CASS4: variants seen among roughly 807,000 people sequenced by gnomAD.
CASS4 encodes the protein Cas scaffold protein family member 4.
Under a neutral mutation model 54.2 loss-of-function variants are expected in CASS4, and 22 were observed. The observed-to-expected ratio is 0.41, with a 90% CI of 0.29 to 0.58. The LOEUF (loss-of-function observed/expected upper bound fraction) is 0.58, where lower values mean the gene tolerates loss of function less well. CASS4 is among the 20% of genes least tolerant of loss of function. The pLI, the probability that CASS4 is intolerant of heterozygous loss-of-function variation, is 0.36. For synonymous variants in CASS4, 409 were observed against 391.5 expected, an observed-to-expected ratio of 1.04 and a Z score of -0.53; for missense variants, 854 against 986.7, an observed-to-expected ratio of 0.87 and a Z score of 1.80.
intron 5 of CASS4, among the ~76,000 whole-genome samples, chr20:56,456,246 C>T (rs569201811): frequency 6.6e-6 from 1 of 152,236 alleles, no homozygotes; most frequent in South Asian, 2.1e-4. Flanking sequence ...ATAACCAAAA[C>T]TATCTCCACA....
chr20:56,427,495 A>C (rs1003281098), intron 1 of CASS4, among the ~76,000 whole-genome samples: 1 of 152,220 alleles, frequency 6.6e-6, no homozygotes, highest in Admixed American at 6.5e-5. Flanking sequence ...TTGAATTTAC[A>C]TGAAATGAAA....
intron 5 of CASS4, among the ~76,000 whole-genome samples, chr20:56,454,833 T>C (rs1312343458): frequency 1.3e-5 from 2 of 152,374 alleles, no homozygotes; most frequent in East Asian, 3.9e-4. Context: ...ATTACAGCCA[T>C]GACCCACATG....
rs932570102 is a variant in CASS4 at position 56,446,392 on chromosome 20, T to C, written c.561+391T>C. On this transcript the variant is annotated intron_variant, in intron 3 of 5. Transcript: ENST00000679887. ...GGGCATAAGCCACCGTGCCCAGCCA[T>C]TATTTATAATAGATATTTAATATAT... Among the ~76,000 whole-genome samples the C allele has an allele frequency of 9.2e-5, 14 of 152,116 alleles. 1 individual carries two copies.
Position 56,458,899 on chromosome 20 carries a change from C to T in CASS4, c.*152C>T. On this transcript the variant is annotated 3_prime_UTR_variant, in exon 6 of 6. Coordinates refer to ENST00000679887, the MANE Select transcript of CASS4 (RefSeq NM_020356.4). ...AAGCTGGTAGTACCAAGTGGCTAAG[C>T]AACCCCAGGGCATTGACTTACCCCG... 1 of 745,032 alleles carries T rather than the reference C, an allele frequency of 1.3e-6. No individual in the cohort carries two copies. Among genetic ancestry groups the T allele is most frequent in the Non-Finnish European group, 2.1e-6 (1 of 468,026 alleles). 46.2% of individuals were successfully genotyped at this position (745,032 alleles called of 1,614,324 possible).
intron 1 of CASS4, among the ~76,000 whole-genome samples, chr20:56,424,348 A>AT (rs1325774820): frequency 1.3e-5 from 2 of 152,234 alleles, no homozygotes; most frequent in Non-Finnish European, 2.9e-5. Flanking sequence ...CCATTTTGCT[A>AT]TTTTAAGTGA....
At chr20:56,416,527 CCG>C (rs1491348744) in intron 1 of CASS4, among the ~76,000 whole-genome samples, 2 of 117,484 alleles carry the variant, frequency 1.7e-5, no homozygotes, top group African/African-American at 4.9e-5. Flanking sequence ...CTGTTTACTT[CCG>C]TGTGTGTGTG....
intron 2 of CASS4, among the ~76,000 whole-genome samples, chr20:56,444,904 A>T (rs967197708): frequency 6.6e-6 from 1 of 152,156 alleles, no homozygotes. Flanking sequence ...TAAGGTCGGG[A>T]GTTCAAGACC....
chr20:56,457,264 C>T (rs1600780289), intron 5 of CASS4, among the ~76,000 whole-genome samples: 1 of 152,076 alleles, frequency 6.6e-6, no homozygotes, highest in Admixed American at 6.6e-5. Context: ...TAAATGCGAG[C>T]GTGTGAAATT....
rs367581178 is a variant in CASS4, at chr20:56,437,076, A to G, written c.37-88A>G. The stretch of plus-strand genomic sequence containing the variant: ...AAATGAAAGGGCATGATGAATTTGT[A>G]TGAAGCTTTCTAAGAGAGTGGGATT... On this transcript the variant is annotated intron_variant, in intron 1 of 5. Transcript: ENST00000679887. This position sits in a 1 kb window ranked among gnomAD's most constrained non-coding sequence, Gnocchi z 4.7. The G allele has an allele frequency of 4.3e-6, 5 of 1,169,876 alleles. No individual in the cohort carries two copies. Among genetic ancestry groups the G allele is most frequent in the East Asian group, 2.5e-5 (1 of 40,098 alleles). The allele number at this position is 1,169,876 out of a possible 1,614,324, so 72.5% of individuals were successfully genotyped here.
At chr20:56,424,897 C>T (rs1350166621) in intron 1 of CASS4, among the ~76,000 whole-genome samples, 1 of 152,034 alleles carries the variant, frequency 6.6e-6, no homozygotes, top group Non-Finnish European at 1.5e-5. Context: ...GAGGAGGTGG[C>T]TGGTTGCCTG....
At chr20:56,455,314 G>A (rs1050107220) in intron 5 of CASS4, among the ~76,000 whole-genome samples, 1 of 152,176 alleles carries the variant, frequency 6.6e-6, no homozygotes, top group Admixed American at 6.5e-5. Flanking sequence ...TAAGAGGAAG[G>A]TGGAAAGAGT....
chr20:56,424,090 G>GT (rs1159899700), intron 1 of CASS4, among the ~76,000 whole-genome samples: 4 of 152,146 alleles, frequency 2.6e-5, no homozygotes, highest in South Asian at 2.1e-4. Context: ...ACTTTGCTAA[G>GT]TTTTTTTTAA....
intron 1 of CASS4, among the ~76,000 whole-genome samples, chr20:56,429,520 T>C (rs1979804692): frequency 6.6e-6 from 1 of 152,178 alleles, no homozygotes; most frequent in African/African-American, 2.4e-5. Context: ...GCATCCGCTA[T>C]GGAAATTAGG....
At chr20:56,424,157 C>T (rs1979533073) in intron 1 of CASS4, among the ~76,000 whole-genome samples, 2 of 152,272 alleles carry the variant, frequency 1.3e-5, no homozygotes, top group Admixed American at 6.5e-5. Context: ...AACTACTTAG[C>T]TATCACCTCA....
intron 5 of CASS4, among the ~76,000 whole-genome samples, chr20:56,454,507 A>G (rs1981192474): frequency 6.6e-6 from 1 of 152,240 alleles, no homozygotes; most frequent in South Asian, 2.1e-4. Context: ...TTGGGTGGCC[A>G]AAGTCTCCTT....
At chr20:56,449,296 C>T (rs1467244085) in intron 3 of CASS4, among the ~76,000 whole-genome samples, 2 of 152,190 alleles carry the variant, frequency 1.3e-5, no homozygotes, top group Non-Finnish European at 1.5e-5. Flanking sequence ...ACGATGAGTT[C>T]ATGTCCTTTG....
intron 4 of CASS4, 34 bp downstream of exon 4, chr20:56,450,713 T>C: frequency 3.1e-6 from 5 of 1,593,030 alleles, no homozygotes; most frequent in Non-Finnish European, 4.3e-6. Flanking sequence ...TGCGGTGTTA[T>C]GAACACACAA....
chr20:56,452,494 G>A lies in CASS4; in HGVS notation c.1318G>A (p.Ala440Thr), dbSNP rs778623606. The change falls in exon 5 of 6, where the codon GCC becomes ACC. Residue 440 changes from alanine to threonine, a missense_variant. Ala to Thr is a moderately conservative substitution (Grantham distance 58). Coordinates refer to ENST00000679887, the MANE Select transcript of CASS4 (RefSeq NM_020356.4). ...GGAGCTCTCCTTGGACCTGGATGTG[G>A]CCAAGGAGACAGTGATGGCTCTGCA... ...AKELSLDLDV[A>T]KETVMALQHK... 1 of 1,613,726 alleles carries A rather than the reference G, an allele frequency of 6.2e-7. No individual in the cohort carries two copies. The highest frequency in any genetic ancestry group is 8.5e-7 in the Non-Finnish European group (1 of 1,179,750).
intron 5 of CASS4, among the ~76,000 whole-genome samples, chr20:56,458,121 A>G (rs1004800093): frequency 6.6e-6 from 1 of 151,400 alleles, no homozygotes; most frequent in Non-Finnish European, 1.5e-5. Flanking sequence ...AAAATTATAT[A>G]TGTATGTATT....
Sources: allele counts gnomAD v4.1 joint callset (sites outside exome capture counted in the v4.1 genomes callset), GRCh38; gene constraint gnomAD v4.1.1; non-coding constraint Gnocchi (gnomAD v3.1); transcripts MANE v1.5; gene names NCBI Gene and HGNC (gene_info 2026-07-23, HGNC 2026-07-21).